PBX1: variants seen among roughly 807,000 people sequenced by gnomAD.
PBX1 encodes PBX homeobox 1.
Under a neutral mutation model 53.4 loss-of-function variants are expected in PBX1, and 6 were observed. That is an observed-to-expected ratio of 0.11 (90% CI 0.06 to 0.22). PBX1 has a LOEUF of 0.22. Among genes scored for constraint, PBX1 ranks in the 10% least tolerant of loss-of-function variants. The pLI, the probability that PBX1 is intolerant of heterozygous loss-of-function variation, is 1.00. For missense variants in PBX1, 251 were observed against 551.4 expected, an observed-to-expected ratio of 0.46 and a Z score of 5.46; for synonymous variants, 204 against 212.3, an observed-to-expected ratio of 0.96 and a Z score of 0.34.
intron 2 of PBX1, among the ~76,000 whole-genome samples, chr1:164,752,553 A>T (rs958327267): frequency 1.3e-5 from 2 of 152,140 alleles, no homozygotes; most frequent in African/African-American, 4.8e-5. Flanking sequence ...ACAGTTATAT[A>T]ATCTAATTAA....
At chr1:164,648,431 C>G (rs1659594645) in intron 2 of PBX1, among the ~76,000 whole-genome samples, 1 of 152,198 alleles carries the variant, frequency 6.6e-6, no homozygotes, top group Admixed American at 6.5e-5. Context: ...CTAGCTGGCT[C>G]CCACTGAAAG....
Position 164,846,743 on chromosome 1 carries a change from C to T in PBX1, c.*67C>T. ...GGGGCAGGGGCAGGAGGGAGGGTTT[C>T]TCTCCCAACGCTGAAGCGGTCAGAC... On this transcript the variant is annotated 3_prime_UTR_variant, in exon 9 of 9. Transcript: ENST00000420696. 6.2e-7 allele frequency: 1 copy of T among 1,612,814 alleles called. No individual in the cohort carries two copies. The highest frequency in any genetic ancestry group is 8.5e-7 in the Non-Finnish European group (1 of 1,179,610).
chr1:164,743,357 A>G (rs746003360), intron 2 of PBX1, among the ~76,000 whole-genome samples: 1 of 152,102 alleles, frequency 6.6e-6, no homozygotes, highest in African/African-American at 2.4e-5. Flanking sequence ...TAAATAAGGC[A>G]TCCTCAGGAC....
At chr1:164,872,463 T>A (rs559237161) in intron 2 of PBX1, among the ~76,000 whole-genome samples, 6 of 152,346 alleles carry the variant, frequency 3.9e-5, no homozygotes, top group African/African-American at 1.4e-4. Flanking sequence ...TGAGCTTCTC[T>A]TGCCTCTGCT....
At chr1:164,771,482 T>G (rs1667368801) in intron 2 of PBX1, 1 of 152,072 alleles carries the variant, frequency 6.6e-6, no homozygotes, top group African/African-American at 2.4e-5. Flanking sequence ...GCACACTGCA[T>G]TTGTTTGTCT....
At chr1:164,659,172 A>G (rs1165803965) in intron 2 of PBX1, among the ~76,000 whole-genome samples, 1 of 152,206 alleles carries the variant, frequency 6.6e-6, no homozygotes, top group African/African-American at 2.4e-5. Flanking sequence ...ATTGTTGGGA[A>G]TTAGGTTCGT....
At chr1:164,784,156 G>T (rs577311229) in intron 2 of PBX1, among the ~76,000 whole-genome samples, 1 of 152,126 alleles carries the variant, frequency 6.6e-6, no homozygotes, top group Non-Finnish European at 1.5e-5. Context: ...CTGTCTTTCC[G>T]ATGGCTTTCC....
intron 2 of PBX1, among the ~76,000 whole-genome samples, chr1:164,678,215 A>G (rs981965787): frequency 6.6e-6 from 1 of 152,302 alleles, no homozygotes; most frequent in South Asian, 2.1e-4. Context: ...TGGAACAGAT[A>G]GAGGAACAAA....
chr1:164,853,478 A>T (rs531364088), downstream of PBX1, among the ~76,000 whole-genome samples: 1 of 152,282 alleles, frequency 6.6e-6, no homozygotes, highest in Non-Finnish European at 1.5e-5. Context: ...ACTTGGCTTG[A>T]TTACTCTTCA....
chr1:164,725,991 G>A (rs775172559), intron 2 of PBX1, among the ~76,000 whole-genome samples: 5 of 152,158 alleles, frequency 3.3e-5, no homozygotes, highest in African/African-American at 1.2e-4. Flanking sequence ...TTCTTCTCTT[G>A]TGTTCAACTG....
chr1:164,577,159 C>T (rs1299719877), intron 2 of PBX1, among the ~76,000 whole-genome samples: 1 of 152,204 alleles, frequency 6.6e-6, no homozygotes, highest in Non-Finnish European at 1.5e-5. Context: ...TGCAGAAACC[C>T]TCCCGTCTTT....
chr1:164,643,453 T>C (rs16833500), intron 2 of PBX1, among the ~76,000 whole-genome samples: 12,004 of 152,170 alleles, frequency 0.079, 546 homozygotes, highest in South Asian at 0.14. Context: ...TTTGGCTCAC[T>C]TTCTAGCCAG....
chr1:164,670,189 A>T (rs1249648846), intron 2 of PBX1, among the ~76,000 whole-genome samples: 9 of 152,214 alleles, frequency 5.9e-5, no homozygotes. Context: ...TTACACCCTC[A>T]GGGAGGTCCA....
rs561835056 is a variant in PBX1 at position 164,617,901 on chromosome 1, C to CT, written c.265+54598dup. Among the ~76,000 whole-genome samples the CT allele has an allele frequency of 2.3e-3, 342 of 151,924 alleles. 2 individuals carry two copies. Among genetic ancestry groups the CT allele is most frequent in the Middle Eastern group, 6.8e-3 (2 of 294 alleles). On this transcript the variant is annotated intron_variant, in intron 2 of 8. Transcript: ENST00000420696. The stretch of plus-strand genomic sequence containing the variant: ...GCTTCCGCATCTCTTGTCCCATTTT[C>CT]TTTTTTTTGCCCTATATTTTAAACC...
intron 2 of PBX1, among the ~76,000 whole-genome samples, chr1:164,775,902 C>G (rs1473851753): frequency 1.3e-5 from 2 of 152,150 alleles, no homozygotes; most frequent in African/African-American, 4.8e-5. Context: ...GCAGTCTACA[C>G]TGGAGTAAGG....
At chr1:164,687,072 G>T (rs567220075) in intron 2 of PBX1, among the ~76,000 whole-genome samples, 12 of 152,308 alleles carry the variant, frequency 7.9e-5, no homozygotes, top group African/African-American at 2.4e-4. Flanking sequence ...AATCATGGTG[G>T]CATGGGCACC....
At chr1:164,611,543 T>C (rs1656933590) in intron 2 of PBX1, among the ~76,000 whole-genome samples, 1 of 152,130 alleles carries the variant, frequency 6.6e-6, no homozygotes, top group African/African-American at 2.4e-5. Flanking sequence ...CGGCCTTCTG[T>C]GTTTCAAATA....
intron 2 of PBX1, among the ~76,000 whole-genome samples, chr1:164,672,241 C>G (rs911549594): frequency 1.3e-5 from 2 of 151,922 alleles, no homozygotes; most frequent in Non-Finnish European, 2.9e-5. Flanking sequence ...GTACTTTTTC[C>G]CTTTGATAAG....
rs148046955 is a variant in PBX1 at position 164,560,932 on chromosome 1, A to C, written c.191+919A>C. On this transcript the variant is annotated intron_variant, in intron 1 of 8. Coordinates refer to ENST00000420696, the MANE Select transcript of PBX1 (RefSeq NM_002585.4). ...TAGGACATGAAGGTCTTCATTAAGGAAACATAATAAACTGTGTAGCCTCTC... is the reference window on the plus strand; with the variant it reads ...TAGGACATGAAGGTCTTCATTAAGGCAACATAATAAACTGTGTAGCCTCTC... Among the ~76,000 whole-genome samples the C allele has an allele frequency of 5.0e-3, 765 of 152,324 alleles. 4 individuals are homozygous for C. The highest frequency in any genetic ancestry group is 8.2e-3 in the Non-Finnish European group (556 of 68,034).
Sources: allele counts gnomAD v4.1 joint callset (sites outside exome capture counted in the v4.1 genomes callset), GRCh38; gene constraint gnomAD v4.1.1; transcripts MANE v1.5; gene names NCBI Gene and HGNC (gene_info 2026-07-23, HGNC 2026-07-21).